The following TENM1 variants were observed in gnomAD, a reference collection of about 807,000 sequenced individuals.
TENM1 encodes teneurin transmembrane protein 1, also known as teneurin-1.
Under a neutral mutation model 174.8 loss-of-function variants are expected in TENM1, and 35 were observed. The observed-to-expected ratio is 0.20, with a 90% CI of 0.15 to 0.27. The LOEUF (loss-of-function observed/expected upper bound fraction) is 0.27, where lower values mean the gene tolerates loss of function less well. Among genes scored for constraint, TENM1 ranks in the 10% least tolerant of loss-of-function variants. The pLI is 1.00. For missense variants in TENM1, 1,633 were observed against 2,130.1 expected, an observed-to-expected ratio of 0.77 and a Z score of 4.59; for synonymous variants, 781 against 798.7, an observed-to-expected ratio of 0.98 and a Z score of 0.37.
chrX:124,403,001 C>T lies in TENM1; in HGVS notation c.5391+2030G>A, dbSNP rs1315158013. On this transcript the variant is annotated intron_variant, in intron 27 of 31. Transcript: ENST00000422452. ...ATTCCGATAGAAATCTTTACTGCTA[C>T]CCACACATTGGTTTGATATTTGGAT... 4.5e-5 allele frequency among the ~76,000 whole-genome samples: 5 copies of T among 111,783 alleles called. No homozygotes were observed. The Admixed American group carries it at 4.7e-4, about 11-fold the overall frequency.
the TENM1 span, among the ~76,000 whole-genome samples, chrX:125,063,655 G>A: frequency 9.0e-6 from 1 of 111,550 alleles, no homozygotes; most frequent in African/African-American, 3.3e-5. Context: ...TAAAAAGTCA[G>A]GAAACAACAG....
At chrX:125,158,358 A>C in the TENM1 span, among the ~76,000 whole-genome samples, 26 of 96,941 alleles carry the variant, frequency 2.7e-4, no homozygotes, top group Admixed American at 2.9e-3. Context: ...AGCCAAGATC[A>C]TGCCACTGCA....
chrX:124,408,261 C>A (rs1279543229), intron 25 of TENM1, among the ~76,000 whole-genome samples: 6 of 109,018 alleles, frequency 5.5e-5, no homozygotes. Flanking sequence ...CGTGTCCTAG[C>A]CTCCCTGAGT....
the TENM1 span, among the ~76,000 whole-genome samples, chrX:125,200,652 T>TGA: frequency 0.2 from 16,435 of 80,778 alleles, 1,519 homozygotes; most frequent in African/African-American, 0.38. Flanking sequence ...TGTGTGTGTG[T>TGA]GTGAGAGAGA....
intron 10 of TENM1, among the ~76,000 whole-genome samples, chrX:124,643,736 A>G (rs1446141298): frequency 2.7e-5 from 3 of 110,561 alleles, no homozygotes; most frequent in African/African-American, 9.9e-5. Flanking sequence ...TTATTCCTTA[A>G]TATCTTGGTT....
intron 18 of TENM1, among the ~76,000 whole-genome samples, chrX:124,511,394 C>T (rs988323053): frequency 2.7e-5 from 3 of 111,564 alleles, no homozygotes; most frequent in Non-Finnish European, 5.6e-5. Context: ...AGATTATTAT[C>T]TCTGCTAGCT....
intron 3 of TENM1, among the ~76,000 whole-genome samples, chrX:124,852,656 C>T (rs777291235): frequency 9.1e-6 from 1 of 110,299 alleles, no homozygotes; most frequent in African/African-American, 3.3e-5. Context: ...CAGTTAGAAA[C>T]GTTCTGGAAA....
At chrX:125,165,178 A>T in the TENM1 span, among the ~76,000 whole-genome samples, 1 of 111,834 alleles carries the variant, frequency 8.9e-6, no homozygotes, top group Non-Finnish European at 1.9e-5. Context: ...CCAATTCTTA[A>T]CACCATTATG....
chrX:124,932,532 A>G (rs953209284), intron 1 of TENM1, among the ~76,000 whole-genome samples: 2 of 112,377 alleles, frequency 1.8e-5, no homozygotes, highest in African/African-American at 3.2e-5. Context: ...TGAATGTCAG[A>G]CAATAAAAAC....
At chrX:124,574,068 G>A (rs939124738) in intron 11 of TENM1, among the ~76,000 whole-genome samples, 2 of 111,893 alleles carry the variant, frequency 1.8e-5, no homozygotes, top group African/African-American at 6.5e-5. Context: ...ATTCTTCTGT[G>A]CAAATGTATT....
At chrX:125,139,283 G>A in the TENM1 span, among the ~76,000 whole-genome samples, 1 of 111,366 alleles carries the variant, frequency 9.0e-6, no homozygotes, top group African/African-American at 3.3e-5. Context: ...GAAGTTTGCT[G>A]TAGATAGAGT....
At chrX:124,914,852 C>T (rs1445990360) in intron 1 of TENM1, among the ~76,000 whole-genome samples, 2 of 111,848 alleles carry the variant, frequency 1.8e-5, no homozygotes, top group African/African-American at 6.5e-5. Context: ...CATCACCTCC[C>T]TTCAGTATAT....
At chrX:124,987,995 T>C in the TENM1 span, among the ~76,000 whole-genome samples, 1 of 111,380 alleles carries the variant, frequency 9.0e-6, no homozygotes, top group East Asian at 2.8e-4. Flanking sequence ...AAGTACAAGA[T>C]AATAGATTGC....
intron 3 of TENM1, among the ~76,000 whole-genome samples, chrX:124,744,094 A>G (rs939951411): frequency 7.2e-5 from 8 of 111,370 alleles, no homozygotes; most frequent in African/African-American, 2.6e-4. Context: ...CAGGCATAAT[A>G]CTCAATATTC....
At chrX:124,522,376 C>G (rs2047869813) in intron 17 of TENM1, among the ~76,000 whole-genome samples, 1 of 111,413 alleles carries the variant, frequency 9.0e-6, no homozygotes, top group Admixed American at 9.5e-5. Context: ...GTGGTTTCCA[C>G]ATTTAATTAT....
At chrX:124,683,551 G>A (rs2052288493) in intron 5 of TENM1, among the ~76,000 whole-genome samples, 1 of 111,760 alleles carries the variant, frequency 8.9e-6, no homozygotes, top group African/African-American at 3.2e-5. Context: ...TGGGAACTCT[G>A]TAAAAACCCT....
At chrX:125,073,686 A>AGTATG in the TENM1 span, among the ~76,000 whole-genome samples, 1 of 111,216 alleles carries the variant, frequency 9.0e-6, no homozygotes, top group Non-Finnish European at 1.9e-5. Flanking sequence ...AATAAATCAC[A>AGTATG]GTATGGATAG....
chrX:125,137,992 A>T, the TENM1 span, among the ~76,000 whole-genome samples: 1 of 111,626 alleles, frequency 9.0e-6, no homozygotes, highest in Non-Finnish European at 1.9e-5. Context: ...GTCCTTGCCA[A>T]TTTTAAATCA....
In TENM1 at chrX:124,570,353, G is replaced by A. The variant is rs188406991; in HGVS notation, c.2078-4793C>T. Reference sequence around the variant, plus strand: ...AAACTCTTAACAATATGCCTTATGAGGTCAACATAATCCTGATATAAAATT... The same window carrying A: ...AAACTCTTAACAATATGCCTTATGAAGTCAACATAATCCTGATATAAAATT... On this transcript the variant is annotated intron_variant, in intron 11 of 31. Coordinates refer to ENST00000422452, the Ensembl canonical transcript of TENM1. Among the ~76,000 whole-genome samples, 614 of 110,853 alleles carry A rather than the reference G, an allele frequency of 5.5e-3. 6 individuals are homozygous for A. The highest frequency in any genetic ancestry group is 0.019 in the African/African-American group (585 of 30,668).
Sources: allele counts gnomAD v4.1 joint callset (sites outside exome capture counted in the v4.1 genomes callset), GRCh38; gene constraint gnomAD v4.1.1; transcripts MANE v1.5; gene names NCBI Gene and HGNC (gene_info 2026-07-23, HGNC 2026-07-21).